NEK6: variants seen among roughly 807,000 people sequenced by gnomAD.
NEK6 encodes serine/threonine-protein kinase Nek6.
Under a neutral mutation model 43.5 loss-of-function variants are expected in NEK6, and 27 were observed. The observed-to-expected ratio is 0.62, with a 90% CI of 0.46 to 0.86. The LOEUF is 0.86. Among genes scored for constraint, NEK6 ranks in the 40% least tolerant of loss-of-function variants. The pLI is 0.00. For synonymous variants in NEK6, 167 were observed against 164.1 expected, an observed-to-expected ratio of 1.02 and a Z score of -0.14; for missense variants, 318 against 414.4, an observed-to-expected ratio of 0.77 and a Z score of 2.02.
At position 124,350,012 on chromosome 9, in the gene NEK6, G is replaced by A. The variant is rs1429470359; in HGVS notation, c.832-825G>A. Among the ~76,000 whole-genome samples, 4 of 152,336 alleles carry A rather than the reference G, an allele frequency of 2.6e-5. No individual in the cohort carries two copies. The East Asian group carries it at 7.7e-4, about 29-fold the overall frequency. On this transcript the variant is annotated intron_variant, in intron 9 of 9. Coordinates refer to ENST00000320246, the MANE Select transcript of NEK6 (RefSeq NM_014397.6). ...GGGCCTGCGCAGCAGTAGCCCCCGG[G>A]CCTCCAGAACGTCCCGTGGGCCCTT...
At chr9:124,315,398 G>T (rs940028167) in intron 4 of NEK6, among the ~76,000 whole-genome samples, 1 of 152,202 alleles carries the variant, frequency 6.6e-6, no homozygotes. Flanking sequence ...GCTGCAAGTC[G>T]GGGGGCCATG....
At chr9:124,312,898 A>G (rs866813720) in intron 3 of NEK6, among the ~76,000 whole-genome samples, 10 of 152,336 alleles carry the variant, frequency 6.6e-5, no homozygotes, top group Middle Eastern at 3.4e-3. Flanking sequence ...GAGCACATGG[A>G]GCCTCTCAAC....
chr9:124,308,522 C>T (rs1833370487), intron 2 of NEK6, among the ~76,000 whole-genome samples: 1 of 152,056 alleles, frequency 6.6e-6, no homozygotes, highest in African/African-American at 2.4e-5. Flanking sequence ...AGTGTGGTGG[C>T]GGGCACCTGC....
At chr9:124,283,394 G>A (rs1251025606) in intron 1 of NEK6, among the ~76,000 whole-genome samples, 1 of 152,272 alleles carries the variant, frequency 6.6e-6, no homozygotes, top group African/African-American at 2.4e-5. Context: ...AGTTAGCTGA[G>A]ACGACCGGGC....
At chr9:124,308,236 A>C (rs930162898) in intron 2 of NEK6, among the ~76,000 whole-genome samples, 1 of 152,164 alleles carries the variant, frequency 6.6e-6, no homozygotes, top group Non-Finnish European at 1.5e-5. Flanking sequence ...GAGTCTCAAC[A>C]TCAGAGCCAG....
chr9:124,287,028 G>A (rs574421837), intron 1 of NEK6, among the ~76,000 whole-genome samples: 2 of 152,258 alleles, frequency 1.3e-5, no homozygotes, highest in South Asian at 4.1e-4. Context: ...GCTGCCCCCC[G>A]GCTGTGATAT....
chr9:124,345,606 C>T (rs1829878910), intron 8 of NEK6, among the ~76,000 whole-genome samples: 1 of 152,176 alleles, frequency 6.6e-6, no homozygotes, highest in African/African-American at 2.4e-5. Flanking sequence ...ATCAAATGGG[C>T]ATGATCTGAA....
At chr9:124,264,429 C>T (rs2118870436) in intron 1 of NEK6, among the ~76,000 whole-genome samples, 1 of 152,340 alleles carries the variant, frequency 6.6e-6, no homozygotes, top group South Asian at 2.1e-4. Context: ...GATCCTCAGG[C>T]ACCCTTGGGG....
chr9:124,290,464 C>T (rs865941986), intron 1 of NEK6, among the ~76,000 whole-genome samples: 2 of 152,244 alleles, frequency 1.3e-5, no homozygotes, highest in Non-Finnish European at 2.9e-5. Context: ...GGCGGAGCCT[C>T]GGTGCCAGGA....
In NEK6 at chr9:124,331,386, T is replaced by A. The variant is rs140753886; in HGVS notation, c.622+3941T>A. ...GGAAGTAAGAGAGACCACATCCCTG[T>A]GGTCACCCAGTAGCCAGATACCAGA... On this transcript the variant is annotated intron_variant, in intron 7 of 9. Transcript: ENST00000320246. 1.8e-3 allele frequency among the ~76,000 whole-genome samples: 269 copies of A among 152,036 alleles called. 1 individual carries two copies. The highest frequency in any genetic ancestry group is 3.1e-3 in the Non-Finnish European group (212 of 67,866).
At chr9:124,336,405 T>G (rs1429668683) in intron 7 of NEK6, among the ~76,000 whole-genome samples, 1 of 152,148 alleles carries the variant, frequency 6.6e-6, no homozygotes, top group Non-Finnish European at 1.5e-5. Flanking sequence ...TAAATGGTAG[T>G]TGGGGGCTTT....
At chr9:124,336,297 C>T (rs1466550847) in intron 7 of NEK6, among the ~76,000 whole-genome samples, 1 of 152,134 alleles carries the variant, frequency 6.6e-6, no homozygotes, top group Admixed American at 6.6e-5. Context: ...AAATGTTAAA[C>T]TTGTTCAGTT....
chr9:124,339,481 C>T, intron 7 of NEK6, 90 bp from the exon 8 acceptor site: 1 of 860,944 alleles, frequency 1.2e-6, no homozygotes, highest in East Asian at 2.4e-5. Flanking sequence ...CTCTCCCCAG[C>T]TCCCGTGTGC....
rs1830260118 is a variant in NEK6, at chr9:124,351,253, T to C, written c.*306T>C. ...GCAGCCCCCTGTATCTGGATTGTAA[T>C]GTGAATCTTTAGGGTAATTCCTCCA... On this transcript the variant is annotated 3_prime_UTR_variant, in exon 10 of 10. Coordinates refer to ENST00000320246, the MANE Select transcript of NEK6 (RefSeq NM_014397.6). The C allele has an allele frequency of 3.4e-6, 1 of 292,760 alleles. No individual in the cohort carries two copies. Among genetic ancestry groups the C allele is most frequent in the Non-Finnish European group, 6.6e-6 (1 of 152,278 alleles). 18.1% of individuals were successfully genotyped at this position (292,760 alleles called of 1,614,324 possible).
chr9:124,277,040 G>A (rs902641958), intron 1 of NEK6, among the ~76,000 whole-genome samples: 1 of 152,166 alleles, frequency 6.6e-6, no homozygotes, highest in Non-Finnish European at 1.5e-5. Context: ...GGAAAATGAC[G>A]GTGCTAAGGC....
rs889762749 is a variant in NEK6 at position 124,326,574 on chromosome 9, G to T, written c.514+136G>T. 3 of 655,416 alleles carry T rather than the reference G, an allele frequency of 4.6e-6. No homozygotes were observed. The African/African-American group carries it at 5.4e-5, about 12-fold the overall frequency. 40.6% of individuals were successfully genotyped at this position (655,416 alleles called of 1,614,324 possible). ...TCTGTATTCCCCAGGCAAGGGGGCT[G>T]CCCAGCAACCGCGCACACACACGCG... On this transcript the variant is annotated intron_variant, in intron 6 of 9. Transcript: ENST00000320246. This position sits in a 1 kb window ranked among gnomAD's most constrained non-coding sequence, Gnocchi z 4.5.
intron 4 of NEK6, among the ~76,000 whole-genome samples, chr9:124,316,781 C>T (rs905014720): frequency 3.3e-5 from 5 of 152,192 alleles, no homozygotes; most frequent in African/African-American, 1.2e-4. Flanking sequence ...GGAGCCCTTC[C>T]TTAACCCCCT....
At chr9:124,276,380 C>A (rs1197836144) in intron 1 of NEK6, among the ~76,000 whole-genome samples, 1 of 152,204 alleles carries the variant, frequency 6.6e-6, no homozygotes, top group East Asian at 1.9e-4. Context: ...CCTTGACTCT[C>A]CTCTGACCCT....
chr9:124,342,342 C>T (rs1473984282), intron 8 of NEK6, among the ~76,000 whole-genome samples: 1 of 152,228 alleles, frequency 6.6e-6, no homozygotes, highest in East Asian at 1.9e-4. Flanking sequence ...TGAATTAGAG[C>T]ACGTGTCTGT....
Sources: allele counts gnomAD v4.1 joint callset (sites outside exome capture counted in the v4.1 genomes callset), GRCh38; gene constraint gnomAD v4.1.1; non-coding constraint Gnocchi (gnomAD v3.1); transcripts MANE v1.5; gene names NCBI Gene and HGNC (gene_info 2026-07-23, HGNC 2026-07-21).